Variants in SLIT3 observed in about 807,000 individuals in gnomAD.
SLIT3 encodes slit homolog 3 protein.
In SLIT3, 68 loss-of-function variants were observed where a neutral mutation model predicts 184.0. The observed-to-expected ratio is 0.37, with a 90% CI of 0.30 to 0.45. The LOEUF (loss-of-function observed/expected upper bound fraction) is 0.45, where lower values mean the gene tolerates loss of function less well. Among genes scored for constraint, SLIT3 ranks in the 20% least tolerant of loss-of-function variants. The pLI is 1.00. For missense variants in SLIT3, 1,707 were observed against 2,026.0 expected (o/e 0.84, Z 3.02); for synonymous variants, 831 against 828.6 (o/e 1.00, Z -0.05).
At chr5:169,118,712 T>A (rs1760778618) in intron 4 of SLIT3, among the ~76,000 whole-genome samples, 2 of 152,188 alleles carry the variant, frequency 1.3e-5, no homozygotes, top group South Asian at 4.1e-4. Context: ...TACTGCCATT[T>A]GGCATTTTCA....
intron 14 of SLIT3, among the ~76,000 whole-genome samples, chr5:168,763,233 A>C (rs766656770): frequency 2.0e-5 from 3 of 152,122 alleles, no homozygotes; most frequent in African/African-American, 4.8e-5. Context: ...AAACGAGTAC[A>C]GGCCAAGTAC....
At chr5:169,120,191 G>A (rs555826207) in intron 4 of SLIT3, 1 of 152,324 alleles carries the variant, frequency 6.6e-6, no homozygotes, top group South Asian at 2.1e-4. Flanking sequence ...TTTGGTCAGA[G>A]TGCTCAGTTG....
At chr5:169,090,338 A>G (rs932415044) in intron 4 of SLIT3, among the ~76,000 whole-genome samples, 4 of 152,152 alleles carry the variant, frequency 2.6e-5, no homozygotes. Flanking sequence ...GTCTCTCATG[A>G]ATGACTCTCC....
At chr5:168,823,201 C>T in intron 7 of SLIT3, 59 bp downstream of exon 7, 1 of 1,307,500 alleles carries the variant, frequency 7.6e-7, no homozygotes, top group Non-Finnish European at 1.1e-6. Flanking sequence ...GCGTAGAGTG[C>T]TGCACTTTGG....
intron 6 of SLIT3, among the ~76,000 whole-genome samples, chr5:168,837,767 G>A (rs894882169): frequency 2.6e-5 from 4 of 152,208 alleles, no homozygotes; most frequent in African/African-American, 9.7e-5. Flanking sequence ...TCCCGATTGG[G>A]AGCCTGCTAT....
intron 4 of SLIT3, among the ~76,000 whole-genome samples, chr5:169,086,121 T>C (rs1414087597): frequency 6.6e-6 from 1 of 152,182 alleles, no homozygotes; most frequent in Admixed American, 6.5e-5. Flanking sequence ...TCGTGGCCCC[T>C]GTGAGAACAG....
rs550993440 is a variant in SLIT3 at position 169,142,533 on chromosome 5, G to C, written c.413+50946C>G. Among the ~76,000 whole-genome samples, 7 of 152,296 alleles carry C rather than the reference G, an allele frequency of 4.6e-5. No homozygotes were observed. In the East Asian group the frequency reaches 1.4e-3, roughly 29 times the overall value. On this transcript the variant is annotated intron_variant, in intron 4 of 35. Transcript: ENST00000519560. The stretch of plus-strand genomic sequence containing the variant: ...AAAGCAGTTCATTAGCTCTAAGACT[G>C]AGAGTATAAACTGGGACTCCTGGAA...
At position 168,671,105 on chromosome 5, in the gene SLIT3, C is replaced by A. The variant is rs1761224254; in HGVS notation, c.4127+93G>T. 43 of 1,412,492 alleles carry A rather than the reference C, an allele frequency of 3.0e-5. 1 individual carries two copies. The South Asian group carries it at 5.6e-4, about 18-fold the overall frequency. 87.5% of individuals were successfully genotyped at this position (1,412,492 alleles called of 1,614,324 possible). On this transcript the variant is annotated intron_variant, in intron 34 of 35. Transcript: ENST00000519560. Reference sequence around the variant, plus strand: ...TATCTGCGGTCTGACTGCAACTCCTCCAGCCTCCAGTAGTGCCTATTTCTC... The same window carrying A: ...TATCTGCGGTCTGACTGCAACTCCTACAGCCTCCAGTAGTGCCTATTTCTC...
chr5:169,010,688 G>A (rs1756109116), intron 4 of SLIT3, among the ~76,000 whole-genome samples: 1 of 152,206 alleles, frequency 6.6e-6, no homozygotes, highest in African/African-American at 2.4e-5. Flanking sequence ...GACTGCCTGA[G>A]CTCAGGAGTT....
chr5:168,811,621 T>G (rs1280713580), intron 8 of SLIT3, among the ~76,000 whole-genome samples: 1 of 152,210 alleles, frequency 6.6e-6, no homozygotes, highest in Non-Finnish European at 1.5e-5. Context: ...GTTAGAGCAG[T>G]GTTTCTTTCT....
In SLIT3 at chr5:169,017,672, A is replaced by G. The variant is rs150128036; in HGVS notation, c.414-134336T>C. On this transcript the variant is annotated intron_variant, in intron 4 of 35. Transcript: ENST00000519560. Reference sequence around the variant, plus strand: ...CTCCTGCAGCAATGGATGACCTTGAAGGTGCATGCTGCAGCAGTAATTCTA... The same window carrying G: ...CTCCTGCAGCAATGGATGACCTTGAGGGTGCATGCTGCAGCAGTAATTCTA... 2.8e-3 allele frequency among the ~76,000 whole-genome samples: 431 copies of G among 152,352 alleles called. 3 individuals carry two copies. The highest frequency in any genetic ancestry group is 9.8e-3 in the African/African-American group (409 of 41,578).
intron 35 of SLIT3, chr5:168,667,533 T>G (rs1761095154): frequency 6.6e-6 from 1 of 152,308 alleles, no homozygotes; most frequent in African/African-American, 2.4e-5. Context: ...CCCCTGTATC[T>G]GCTTAAACAC....
intron 32 of SLIT3, 42 bp from the exon 33 acceptor site, chr5:168,673,373 G>A (rs1445776853): frequency 1.2e-6 from 2 of 1,601,644 alleles, no homozygotes; most frequent in Non-Finnish European, 1.7e-6. Flanking sequence ...AGTTCACTAA[G>A]GGCCTTCCAT....
At chr5:169,194,934 C>T (rs536109472) in intron 3 of SLIT3, among the ~76,000 whole-genome samples, 9 of 152,272 alleles carry the variant, frequency 5.9e-5, no homozygotes, top group African/African-American at 2.2e-4. Context: ...TGCCCCTCTG[C>T]CCTAGTGAGT....
chr5:169,141,074 C>G (rs1761719127), intron 4 of SLIT3, among the ~76,000 whole-genome samples: 1 of 152,178 alleles, frequency 6.6e-6, no homozygotes, highest in South Asian at 2.1e-4. Context: ...CCATATTGAT[C>G]AGAATCTGAC....
intron 4 of SLIT3, among the ~76,000 whole-genome samples, chr5:169,189,256 G>C (rs895056368): frequency 1.3e-5 from 2 of 151,904 alleles, no homozygotes; most frequent in African/African-American, 2.4e-5. Context: ...TATATGACAG[G>C]TCCATCACCA....
chr5:168,686,812 G>T (rs1379538301), intron 30 of SLIT3, among the ~76,000 whole-genome samples, 167 bp downstream of exon 30: 1 of 152,196 alleles, frequency 6.6e-6, no homozygotes, highest in Non-Finnish European at 1.5e-5. Flanking sequence ...TTCCCTCATG[G>T]GGACATGTAA....
chr5:169,155,847 C>T (rs1327676410), intron 4 of SLIT3, among the ~76,000 whole-genome samples: 1 of 152,208 alleles, frequency 6.6e-6, no homozygotes. Context: ...ACCACTACTC[C>T]TTCTGTTCAA....
At chr5:168,873,119 C>T (rs78822681) in intron 5 of SLIT3, among the ~76,000 whole-genome samples, 2,120 of 152,238 alleles carry the variant, frequency 0.014, 60 homozygotes, top group African/African-American at 0.048. Flanking sequence ...TCCATGCTCA[C>T]CAAATCTCAG....
Sources: allele counts gnomAD v4.1 joint callset (sites outside exome capture counted in the v4.1 genomes callset), GRCh38; gene constraint gnomAD v4.1.1; transcripts MANE v1.5; gene names NCBI Gene and HGNC (gene_info 2026-07-23, HGNC 2026-07-21).